PRLR: variants seen among roughly 807,000 people sequenced by gnomAD.
PRLR encodes the protein prolactin receptor.
In PRLR, 13 loss-of-function variants were observed where a neutral mutation model predicts 40.2. The ratio of observed to expected loss-of-function variants is 0.32; its 90% CI spans 0.21 to 0.51. The LOEUF (loss-of-function observed/expected upper bound fraction) is 0.51. Ranked by LOEUF, PRLR falls within the 20% of genes least tolerant of loss-of-function variation. The probability of loss-of-function intolerance (pLI) is 0.97; values close to 1 mark genes in which losing one functional copy is unlikely to be tolerated. For synonymous variants in PRLR, 269 were observed against 278.7 expected, an observed-to-expected ratio of 0.97 and a Z score of 0.35; for missense variants, 656 against 747.3, an observed-to-expected ratio of 0.88 and a Z score of 1.42.
chr5:35,200,512 T>G (rs1775852374), intron 1 of PRLR, among the ~76,000 whole-genome samples: 1 of 152,180 alleles, frequency 6.6e-6, no homozygotes, highest in Non-Finnish European at 1.5e-5. Flanking sequence ...TAATTTTACT[T>G]AATGTGAAAC....
intron 1 of PRLR, among the ~76,000 whole-genome samples, chr5:35,197,134 T>A (rs181057745): frequency 3.7e-4 from 56 of 152,288 alleles, no homozygotes; most frequent in African/African-American, 1.0e-3. Flanking sequence ...CCAACTTTTT[T>A]ATTTTATTTT....
At chr5:35,128,860 A>T (rs1773557373) in intron 1 of PRLR, among the ~76,000 whole-genome samples, 1 of 152,144 alleles carries the variant, frequency 6.6e-6, no homozygotes, top group Non-Finnish European at 1.5e-5. Flanking sequence ...TTGCAGAGAT[A>T]ATTGGCTCTC....
chr5:35,089,018 G>A lies in PRLR; in HGVS notation c.70+533C>T, dbSNP rs569598629. On this transcript the variant is annotated intron_variant, in intron 3 of 9. Coordinates refer to ENST00000618457, the MANE Select transcript of PRLR (RefSeq NM_000949.7). ...TGCACATGGGTTGACATACAGAAGT[G>A]TATAGTCACAGGCACCCACCCTCTC... 1.4e-4 allele frequency among the ~76,000 whole-genome samples: 21 copies of A among 152,310 alleles called. No individual in the cohort carries two copies. In the South Asian group the frequency reaches 4.1e-3, roughly 30 times the overall value.
At chr5:35,085,096 C>A (rs769187107) in intron 4 of PRLR, among the ~76,000 whole-genome samples, 1 of 152,158 alleles carries the variant, frequency 6.6e-6, no homozygotes, top group Non-Finnish European at 1.5e-5. Flanking sequence ...AAAAAGGGTT[C>A]AAGAGGACAA....
chr5:35,090,634 T>C (rs2112477391), intron 2 of PRLR, among the ~76,000 whole-genome samples: 1 of 152,014 alleles, frequency 6.6e-6, no homozygotes, highest in Non-Finnish European at 1.5e-5. Flanking sequence ...ACATTCAGGA[T>C]CAAAGCTGCC....
At chr5:35,073,863 CA>C (rs1769903990) in intron 5 of PRLR, among the ~76,000 whole-genome samples, 1 of 152,146 alleles carries the variant, frequency 6.6e-6, no homozygotes, top group South Asian at 2.1e-4. Context: ...CATGTACTAG[CA>C]TGGCAAGAAT....
chr5:35,123,089 A>G (rs774500305), intron 1 of PRLR, among the ~76,000 whole-genome samples: 19 of 152,142 alleles, frequency 1.2e-4, no homozygotes, highest in Admixed American at 2.6e-4. Context: ...GCCAACTACA[A>G]GGGGTAGGTG....
chr5:35,147,308 C>A (rs1159480941), intron 1 of PRLR, among the ~76,000 whole-genome samples: 1 of 152,136 alleles, frequency 6.6e-6, no homozygotes, highest in Admixed American at 6.6e-5. Flanking sequence ...AATATCATTG[C>A]CACTTCTCCC....
In PRLR at chr5:35,156,335, C is replaced by T. The variant is rs973013351; in HGVS notation, c.-105-38213G>A. ...TTGCCTGGATAAATGTCTGCGTTAG[C>T]CTCCCAATGGGTCTCTCCACCTCTC... On this transcript the variant is annotated intron_variant, in intron 1 of 9. Transcript: ENST00000618457. Among the ~76,000 whole-genome samples the T allele has an allele frequency of 4.8e-4, 73 of 152,198 alleles. 1 individual carries two copies. The highest frequency in any genetic ancestry group is 1.5e-3 in the African/African-American group (62 of 41,524).
At chr5:35,194,870 C>T (rs576106235) in intron 1 of PRLR, among the ~76,000 whole-genome samples, 20 of 152,222 alleles carry the variant, frequency 1.3e-4, no homozygotes, top group Non-Finnish European at 2.4e-4. Context: ...TAGAACCATA[C>T]GACCCAAAAA....
At chr5:35,085,943 T>G (rs1770821332) in intron 4 of PRLR, among the ~76,000 whole-genome samples, 1 of 151,904 alleles carries the variant, frequency 6.6e-6, no homozygotes, top group African/African-American at 2.4e-5. Context: ...AGACCTAGGG[T>G]GGATGCTCAG....
intron 1 of PRLR, among the ~76,000 whole-genome samples, chr5:35,184,361 A>T (rs1365883879): frequency 6.6e-6 from 1 of 152,098 alleles, no homozygotes; most frequent in Admixed American, 6.5e-5. Context: ...TAAAATACAA[A>T]ACATTAGCCA....
At chr5:35,054,604 T>C (rs1768631539), downstream of PRLR, among the ~76,000 whole-genome samples, 2 of 152,198 alleles carry the variant, frequency 1.3e-5, no homozygotes, top group African/African-American at 2.4e-5. Context: ...ATTAATAAAC[T>C]GTATATGTGT....
chr5:35,124,557 G>C (rs1379786166), intron 1 of PRLR, among the ~76,000 whole-genome samples: 1 of 152,126 alleles, frequency 6.6e-6, no homozygotes, highest in Non-Finnish European at 1.5e-5. Context: ...TAATCTACTG[G>C]GGAATATTGA....
chr5:35,201,270 T>C (rs1405490627), intron 1 of PRLR, among the ~76,000 whole-genome samples: 1 of 152,158 alleles, frequency 6.6e-6, no homozygotes, highest in South Asian at 2.1e-4. Context: ...CCAACAAATA[T>C]TGATGTCTAG....
At chr5:35,120,092 C>A (rs1773235836) in intron 1 of PRLR, among the ~76,000 whole-genome samples, 1 of 152,074 alleles carries the variant, frequency 6.6e-6, no homozygotes, top group African/African-American at 2.4e-5. Context: ...CTCCTGTGCC[C>A]TCCAGCTTCA....
Position 35,205,484 on chromosome 5 carries a change from G to A in PRLR, c.-106+24784C>T, listed in dbSNP as rs535393171. ...TTCATTCTTTGCCTAAAAACTGTTC[G>A]GCTATCCTCTGCCAAATAGAACCAT... On this transcript the variant is annotated intron_variant, in intron 1 of 9. Coordinates refer to ENST00000618457, the MANE Select transcript of PRLR (RefSeq NM_000949.7). Among the ~76,000 whole-genome samples the A allele has an allele frequency of 4.0e-5, 6 of 149,696 alleles. No homozygotes were observed. The East Asian group carries it at 9.7e-4, about 24-fold the overall frequency.
rs538418593 is a variant in PRLR at position 35,152,851 on chromosome 5, AT to A, written c.-105-34730del. ...CATTTATTTCTCACTCACAGCAACAATCCAGGCAAAATGAAGGGAAGTGGAT... is the reference window on the plus strand; with the variant it reads ...CATTTATTTCTCACTCACAGCAACAACCAGGCAAAATGAAGGGAAGTGGAT... On this transcript the variant is annotated intron_variant, in intron 1 of 9. Coordinates refer to ENST00000618457, the MANE Select transcript of PRLR (RefSeq NM_000949.7). The A allele has an allele frequency of 3.3e-5, 5 of 152,324 alleles. No individual in the cohort carries two copies. The South Asian group carries it at 1.0e-3, about 32-fold the overall frequency. The allele number at this position is 152,324 out of a possible 1,614,324, so 9.4% of individuals were successfully genotyped here.
chr5:35,203,081 CTG>C (rs1775922018), intron 1 of PRLR, among the ~76,000 whole-genome samples: 1 of 152,176 alleles, frequency 6.6e-6, no homozygotes, highest in African/African-American at 2.4e-5. Flanking sequence ...CCATAGGACA[CTG>C]GGGAGAAGAG....
Sources: gnomAD v4.1 joint callset for allele counts (sites outside exome capture counted in the v4.1 genomes callset) on GRCh38, gnomAD v4.1.1 for gene constraint, MANE v1.5 for transcripts, NCBI Gene and HGNC (gene_info 2026-07-23, HGNC 2026-07-21) for gene names.